The following DCP1A variants were observed in gnomAD, a reference collection of about 807,000 sequenced individuals.
The protein encoded by DCP1A is decapping mRNA 1A, also known as mRNA-decapping enzyme 1A.
A neutral mutation model predicts 58.0 loss-of-function variants in DCP1A; 20 were observed. The ratio of observed to expected loss-of-function variants is 0.34; its 90% CI spans 0.24 to 0.50. The LOEUF (loss-of-function observed/expected upper bound fraction) is 0.50, where lower values mean the gene tolerates loss of function less well. Among genes scored for constraint, DCP1A ranks in the 20% least tolerant of loss-of-function variants. The probability of loss-of-function intolerance (pLI) is 0.98; values close to 1 mark genes in which losing one functional copy is unlikely to be tolerated. For synonymous variants in DCP1A, 285 were observed against 275.1 expected (o/e 1.04, Z -0.36); for missense variants, 613 against 712.2 (o/e 0.86, Z 1.59).
At position 53,287,550 on chromosome 3, in the gene DCP1A, G is replaced by A. The variant is rs1288930195; in HGVS notation, c.*30C>T. ...GAAGCCTATTTGTCTCTGAGGCTGG[G>A]GCTCTGCCTTTAGACTTATTCTGCT... On this transcript the variant is annotated 3_prime_UTR_variant, in exon 10 of 10. Transcript: ENST00000610213. 1 of 1,492,206 alleles carries A rather than the reference G, an allele frequency of 6.7e-7. No individual in the cohort carries two copies. Among genetic ancestry groups the A allele is most frequent in the Non-Finnish European group, 9.3e-7 (1 of 1,070,252 alleles). 92.4% of individuals were successfully genotyped at this position (1,492,206 alleles called of 1,614,324 possible). A position where few individuals can be genotyped will look rare whatever the true frequency, so the allele number is the denominator to read the frequency against.
intron 3 of DCP1A, among the ~76,000 whole-genome samples, chr3:53,321,661 G>GT (rs1707971127): frequency 6.6e-6 from 1 of 152,220 alleles, no homozygotes; most frequent in Non-Finnish European, 1.5e-5. Context: ...GGAGGTTGCA[G>GT]TGAGTCGAGA....
At chr3:53,304,063 G>A (rs1158921241) in intron 6 of DCP1A, 114 bp downstream of exon 6, 4 of 710,250 alleles carry the variant, frequency 5.6e-6, no homozygotes, top group Non-Finnish European at 9.4e-6. Context: ...TCATTATGTT[G>A]CTGCACATTT....
chr3:53,322,559 TACAC>T (rs1282581446), intron 3 of DCP1A, among the ~76,000 whole-genome samples: 2 of 152,026 alleles, frequency 1.3e-5, no homozygotes. Flanking sequence ...ATATTATTGA[TACAC>T]ACAGCAAGTG....
chr3:53,320,036 G>T (rs1187062544), intron 3 of DCP1A, among the ~76,000 whole-genome samples: 5 of 152,046 alleles, frequency 3.3e-5, no homozygotes, highest in African/African-American at 9.7e-5. Context: ...GCTGAGGCAG[G>T]AGAATCGCTT....
At chr3:53,294,054 C>A (rs782503716) in intron 6 of DCP1A, among the ~76,000 whole-genome samples, 1 of 152,112 alleles carries the variant, frequency 6.6e-6, no homozygotes, top group African/African-American at 2.4e-5. Flanking sequence ...GAGAGCCACA[C>A]GTGCTTCAGC....
chr3:53,317,324 C>A (rs1707842868), intron 4 of DCP1A, among the ~76,000 whole-genome samples: 1 of 152,190 alleles, frequency 6.6e-6, no homozygotes, highest in South Asian at 2.1e-4. Context: ...CACCACCATA[C>A]CTGGCTAATT....
rs200729317 is a variant in DCP1A, at chr3:53,335,129, AT to A, written c.304+7014del. On this transcript the variant is annotated intron_variant, in intron 3 of 9. Coordinates refer to ENST00000610213, the MANE Select transcript of DCP1A (RefSeq NM_018403.7). ...TGCACGCGCATGTGTATATATATAT[AT>A]TTTTTTTATTTTTATTTATTTATTT... 9.7e-3 allele frequency among the ~76,000 whole-genome samples: 1,454 copies of A among 149,328 alleles called. 22 individuals are homozygous for A. Among genetic ancestry groups the A allele is most frequent in the African/African-American group, 0.034 (1,372 of 40,672 alleles).
intron 2 of DCP1A, among the ~76,000 whole-genome samples, chr3:53,343,041 T>C (rs1553692757): frequency 6.6e-6 from 1 of 152,218 alleles, no homozygotes; most frequent in African/African-American, 2.4e-5. Flanking sequence ...TTGGTTCCCA[T>C]ATCAGAGGGA....
intron 3 of DCP1A, among the ~76,000 whole-genome samples, chr3:53,328,609 A>G (rs528514383): frequency 6.6e-6 from 1 of 152,318 alleles, no homozygotes; most frequent in East Asian, 1.9e-4. Context: ...AATGAAAAGA[A>G]TCTGCTTTGG....
At position 53,326,883 on chromosome 3, in the gene DCP1A, AATGGTCTTCC is replaced by A. The variant is rs1355385390; in HGVS notation, c.305-7420_305-7411del. ...ATCCCCCAATCCCCGTCCATTGAAA[AATGGTCTTCC>A]ACAAAGCCGGTCCCTGGTGCCAAAA... is the stretch of plus-strand genomic sequence containing the variant. On this transcript the variant is annotated intron_variant, in intron 3 of 9. Transcript: ENST00000610213. 3.9e-5 allele frequency among the ~76,000 whole-genome samples: 6 copies of A among 152,240 alleles called. No homozygotes were observed. The East Asian group carries it at 1.2e-3, about 29-fold the overall frequency.
intron 5 of DCP1A, among the ~76,000 whole-genome samples, chr3:53,310,490 A>C (rs1553688542): frequency 6.6e-6 from 1 of 152,174 alleles, no homozygotes; most frequent in Non-Finnish European, 1.5e-5. Context: ...TACAGTTATT[A>C]CTCAGGATGA....
chr3:53,292,471 A>G lies in DCP1A; in HGVS notation c.981T>C (p.Pro327=). ...GTAAGCTGGGGGGAACCTGTGCAGT[A>G]GGAGCTTCAGCTGGCAGAGTGGGAC... ...VLSPTLPAEA[P]TAQVPPSLPR... Residue 327 remains proline, a synonymous_variant, in exon 7 of 10, where the codon CCT becomes CCC. Transcript: ENST00000610213. 4 of 1,614,026 alleles carry G rather than the reference A, an allele frequency of 2.5e-6. No individual in the cohort carries two copies. The highest frequency in any genetic ancestry group is 3.4e-6 in the Non-Finnish European group (4 of 1,179,894).
At chr3:53,329,211 G>C (rs1469649779) in intron 3 of DCP1A, 1 of 394,640 alleles carries the variant, frequency 2.5e-6, no homozygotes, top group African/African-American at 2.1e-5. Flanking sequence ...ACTTGCCCTT[G>C]AACTGAGAAA....
chr3:53,294,071 G>A (rs1707027730), intron 6 of DCP1A, among the ~76,000 whole-genome samples: 1 of 152,222 alleles, frequency 6.6e-6, no homozygotes, highest in African/African-American at 2.4e-5. Context: ...CAGCACAGCT[G>A]GATCAGAGGC....
intron 4 of DCP1A, among the ~76,000 whole-genome samples, chr3:53,315,610 T>A (rs1707779144): frequency 6.6e-6 from 1 of 151,422 alleles, no homozygotes; most frequent in Non-Finnish European, 1.5e-5. Context: ...GCTTCTAAGT[T>A]TAGTGGGTTT....
At chr3:53,297,666 C>A (rs1486267398) in intron 6 of DCP1A, among the ~76,000 whole-genome samples, 5 of 152,142 alleles carry the variant, frequency 3.3e-5, no homozygotes, top group African/African-American at 1.2e-4. Context: ...AAGACTAATT[C>A]TTATTAATGC....
chr3:53,296,423 C>A (rs1458634192), intron 6 of DCP1A, among the ~76,000 whole-genome samples: 2 of 152,208 alleles, frequency 1.3e-5, no homozygotes, highest in African/African-American at 4.8e-5. Flanking sequence ...ACAACAAATT[C>A]TCCCTTGGGA....
intron 3 of DCP1A, among the ~76,000 whole-genome samples, chr3:53,337,232 GC>G (rs1404935675): frequency 6.6e-6 from 1 of 152,034 alleles, no homozygotes; most frequent in African/African-American, 2.4e-5. Context: ...TCTAGTAATG[GC>G]CCCTACAACA....
At chr3:53,338,363 G>C (rs1200001068) in intron 3 of DCP1A, among the ~76,000 whole-genome samples, 1 of 152,090 alleles carries the variant, frequency 6.6e-6, no homozygotes, top group Non-Finnish European at 1.5e-5. Context: ...CGGGAGAATT[G>C]CTTGAGCCCA....
Sources: allele counts gnomAD v4.1 joint callset (sites outside exome capture counted in the v4.1 genomes callset), GRCh38; gene constraint gnomAD v4.1.1; transcripts MANE v1.5; gene names NCBI Gene and HGNC (gene_info 2026-07-23, HGNC 2026-07-21).